The following LDLRAD4 variants were observed in gnomAD, a reference collection of about 807,000 sequenced individuals.
LDLRAD4 encodes the protein low-density lipoprotein receptor class A domain-containing protein 4.
In LDLRAD4, 5 loss-of-function variants were observed where a neutral mutation model predicts 17.0. The ratio of observed to expected loss-of-function variants is 0.29; its 90% CI spans 0.15 to 0.62. The LOEUF (loss-of-function observed/expected upper bound fraction) is 0.62, where lower values mean the gene tolerates loss of function less well. Ranked by LOEUF, LDLRAD4 falls within the 20% of genes least tolerant of loss-of-function variation. LDLRAD4 has a pLI of 0.84. For missense variants in LDLRAD4, 340 were observed against 424.7 expected, an observed-to-expected ratio of 0.80 and a Z score of 1.75; for synonymous variants, 168 against 171.8, an observed-to-expected ratio of 0.98 and a Z score of 0.17.
At chr18:13,474,741 C>T (rs942513138) in intron 3 of LDLRAD4, among the ~76,000 whole-genome samples, 1 of 152,190 alleles carries the variant, frequency 6.6e-6, no homozygotes, top group African/African-American at 2.4e-5. Flanking sequence ...GGCACCTTGT[C>T]TCAAAGACAA....
chr18:13,490,749 G>A (rs2093341713), intron 3 of LDLRAD4: 1 of 152,222 alleles, frequency 6.6e-6, no homozygotes, highest in African/African-American at 2.4e-5. Flanking sequence ...ATGTGTTCCA[G>A]AAAGGAGTAA....
chr18:13,423,577 G>T (rs1281692872), intron 2 of LDLRAD4: 1 of 152,398 alleles, frequency 6.6e-6, no homozygotes, highest in Non-Finnish European at 1.5e-5. Context: ...TACCGTACCT[G>T]GGAGGGCTGA....
intron 3 of LDLRAD4, among the ~76,000 whole-genome samples, chr18:13,577,916 G>A (rs144803415): frequency 4.9e-4 from 74 of 152,222 alleles, no homozygotes; most frequent in African/African-American, 1.6e-3. Flanking sequence ...GGCTTTTCTC[G>A]TGCTATATCT....
intron 3 of LDLRAD4, among the ~76,000 whole-genome samples, chr18:13,494,319 C>T (rs2093416628): frequency 1.3e-5 from 2 of 151,900 alleles, no homozygotes; most frequent in South Asian, 4.2e-4. Context: ...AAAACAGCTT[C>T]AGGAAACATA....
At chr18:13,534,186 G>A (rs1021957930) in intron 3 of LDLRAD4, among the ~76,000 whole-genome samples, 1 of 152,184 alleles carries the variant, frequency 6.6e-6, no homozygotes, top group Non-Finnish European at 1.5e-5. Flanking sequence ...GCACTTCCCT[G>A]TAACTCTCAC....
intron 1 of LDLRAD4, among the ~76,000 whole-genome samples, chr18:13,381,358 G>A (rs528149992): frequency 2.6e-5 from 4 of 152,242 alleles, no homozygotes; most frequent in Admixed American, 6.5e-5. Context: ...GTGAGGCACC[G>A]TGCCCGCCCA....
In LDLRAD4 at chr18:13,440,984, C is replaced by T. The variant is rs1271681740; in HGVS notation, c.181+2600C>T. On this transcript the variant is annotated intron_variant, in intron 3 of 5. Coordinates refer to ENST00000359446, the Ensembl canonical transcript of LDLRAD4. The surrounding 1 kb of genome is among the most constrained non-coding windows in gnomAD (Gnocchi z 4.4). ...TTCCCCTCAGGTTCTCTGCAGGAGCCCGAGGGAGCTGGGCGAGTGGTCATG... is the reference window on the plus strand; with the variant it reads ...TTCCCCTCAGGTTCTCTGCAGGAGCTCGAGGGAGCTGGGCGAGTGGTCATG... 3.3e-5 allele frequency among the ~76,000 whole-genome samples: 5 copies of T among 152,296 alleles called. No homozygotes were observed. The East Asian group carries it at 7.7e-4, about 24-fold the overall frequency.
chr18:13,612,966 G>A, intron 3 of LDLRAD4: 1 of 583,976 alleles, frequency 1.7e-6, no homozygotes, highest in Non-Finnish European at 3.0e-6. Context: ...ATGCATGTCA[G>A]GCTTTTTCAT....
chr18:13,431,594 A>G (rs555106773), intron 2 of LDLRAD4, among the ~76,000 whole-genome samples: 1 of 152,324 alleles, frequency 6.6e-6, no homozygotes, highest in African/African-American at 2.4e-5. Flanking sequence ...TGCATGTTTC[A>G]CTTATGGTTC....
intron 4 of LDLRAD4, among the ~76,000 whole-genome samples, chr18:13,631,426 G>T (rs747717450): frequency 4.6e-5 from 7 of 152,124 alleles, no homozygotes; most frequent in Non-Finnish European, 8.8e-5. Context: ...AACATTTAAA[G>T]AATTGACATC....
At chr18:13,426,318 T>G (rs563867815) in intron 2 of LDLRAD4, among the ~76,000 whole-genome samples, 21 of 152,348 alleles carry the variant, frequency 1.4e-4, no homozygotes, top group African/African-American at 3.8e-4. Context: ...AACTGGCACT[T>G]AGTACTATAA....
At chr18:13,285,188 G>C (rs1445444513) in intron 1 of LDLRAD4, among the ~76,000 whole-genome samples, 1 of 152,216 alleles carries the variant, frequency 6.6e-6, no homozygotes, top group Non-Finnish European at 1.5e-5. Flanking sequence ...AGCCCCAGGG[G>C]CCCAGGGGCA....
At chr18:13,564,696 T>G (rs911672287) in intron 3 of LDLRAD4, among the ~76,000 whole-genome samples, 1 of 103,268 alleles carries the variant, frequency 9.7e-6, no homozygotes, top group Non-Finnish European at 2.3e-5. Context: ...GCCTCTGCGC[T>G]GCCGCCCCCC....
chr18:13,509,133 A>G (rs895760840), intron 3 of LDLRAD4, among the ~76,000 whole-genome samples: 6 of 152,228 alleles, frequency 3.9e-5, no homozygotes, highest in Non-Finnish European at 7.3e-5. Flanking sequence ...GGGAGACATC[A>G]TCTGTACACA....
chr18:13,289,307 A>G (rs867332838), intron 1 of LDLRAD4, among the ~76,000 whole-genome samples: 4 of 152,242 alleles, frequency 2.6e-5, no homozygotes, highest in Admixed American at 6.5e-5. Context: ...GCATAGGTGT[A>G]TAAACTGAGG....
At chr18:13,320,748 G>A (rs1036188886) in intron 1 of LDLRAD4, among the ~76,000 whole-genome samples, 7 of 152,168 alleles carry the variant, frequency 4.6e-5, no homozygotes, top group Admixed American at 3.3e-4. Flanking sequence ...GGAGCAATGG[G>A]GCAACTCTAC....
intron 1 of LDLRAD4, among the ~76,000 whole-genome samples, chr18:13,243,644 C>G (rs936706428): frequency 6.6e-6 from 1 of 150,784 alleles, no homozygotes; most frequent in Non-Finnish European, 1.5e-5. Context: ...GCACATTCAT[C>G]CATCGATTTA....
chr18:13,487,613 C>A (rs1191426307), intron 3 of LDLRAD4: 1 of 152,278 alleles, frequency 6.6e-6, no homozygotes, highest in Non-Finnish European at 1.5e-5. Flanking sequence ...TTTCATTCAT[C>A]CAATAAGTAT....
intron 3 of LDLRAD4, among the ~76,000 whole-genome samples, chr18:13,541,759 T>C (rs962857907): frequency 2.6e-5 from 4 of 152,136 alleles, no homozygotes; most frequent in Admixed American, 2.0e-4. Context: ...GAGAGTAATA[T>C]ATGAAAAAGA....
Sources: gnomAD v4.1 joint callset for allele counts (sites outside exome capture counted in the v4.1 genomes callset) on GRCh38, gnomAD v4.1.1 for gene constraint, Gnocchi (gnomAD v3.1) non-coding constraint, MANE v1.5 for transcripts, NCBI Gene and HGNC (gene_info 2026-07-23, HGNC 2026-07-21) for gene names.